Variants in SH3GL3 observed in about 807,000 individuals in gnomAD.
SH3GL3 encodes the protein SH3 domain containing GRB2 like 3, endophilin A3, also known as endophilin-A3.
SH3GL3 carries 33 observed loss-of-function variants against 47.7 expected under a neutral mutation model. The ratio of observed to expected loss-of-function variants is 0.69; its 90% CI spans 0.52 to 0.92. SH3GL3 has a LOEUF of 0.92. SH3GL3 is among the 40% of genes least tolerant of loss of function. SH3GL3 has a pLI of 0.00. For synonymous variants in SH3GL3, 155 were observed against 148.8 expected, an observed-to-expected ratio of 1.04 and a Z score of -0.30; for missense variants, 363 against 417.8, an observed-to-expected ratio of 0.87 and a Z score of 1.14.
rs547060740 is a variant in SH3GL3, at chr15:83,592,732, C to A, written c.838+3961C>A. 5.3e-5 allele frequency among the ~76,000 whole-genome samples: 8 copies of A among 152,256 alleles called. 1 individual carries two copies. The South Asian group carries it at 1.7e-3, about 32-fold the overall frequency. On this transcript the variant is annotated intron_variant, in intron 8 of 8. Coordinates refer to ENST00000427482, the MANE Select transcript of SH3GL3 (RefSeq NM_003027.5). ...TTGATTTGGTGTGAAATGAAAAGATCACAACACATCCTGCCTCCTCCACAC... is the reference window on the plus strand; with the variant it reads ...TTGATTTGGTGTGAAATGAAAAGATAACAACACATCCTGCCTCCTCCACAC...
chr15:83,447,472 G>A lies in SH3GL3; in HGVS notation c.-62G>A, dbSNP rs1183184139. The A allele has an allele frequency of 1.4e-6, 2 of 1,415,878 alleles. No individual in the cohort carries two copies. The highest frequency in any genetic ancestry group is 1.5e-5 in the African/African-American group (1 of 67,018). The allele number at this position is 1,415,878 out of a possible 1,614,324, so 87.7% of individuals were successfully genotyped here. ...GCCCGGGCTCCCGCTCCCCGAGCGC[G>A]TCGCGGCCGCGTGGCCCAGCCGAGC... On this transcript the variant is annotated 5_prime_UTR_variant, in exon 1 of 9. Coordinates refer to ENST00000427482, the MANE Select transcript of SH3GL3 (RefSeq NM_003027.5). The surrounding 1 kb of genome is among the most constrained non-coding windows in gnomAD (Gnocchi z 5.1).
chr15:83,574,634 T>A (rs1267920274), intron 5 of SH3GL3, among the ~76,000 whole-genome samples: 4 of 152,172 alleles, frequency 2.6e-5, no homozygotes, highest in Non-Finnish European at 5.9e-5. Flanking sequence ...CCTTCCTGGC[T>A]GCCCACTGAC....
intron 8 of SH3GL3, among the ~76,000 whole-genome samples, chr15:83,597,205 G>T (rs2060257416): frequency 1.3e-5 from 2 of 152,078 alleles, no homozygotes; most frequent in Admixed American, 6.6e-5. Flanking sequence ...TTGCCTCATT[G>T]CCCCTTGCTC....
At chr15:83,589,916 A>C (rs2151810183) in intron 8 of SH3GL3, among the ~76,000 whole-genome samples, 1 of 152,310 alleles carries the variant, frequency 6.6e-6, no homozygotes, top group African/African-American at 2.4e-5. Context: ...TTACTATTAA[A>C]GCATGAACAC....
intron 6 of SH3GL3, among the ~76,000 whole-genome samples, chr15:83,579,748 G>A (rs905154491): frequency 1.3e-5 from 2 of 152,152 alleles, no homozygotes; most frequent in Non-Finnish European, 2.9e-5. Flanking sequence ...TTATAGCTGA[G>A]GAGACTCAGA....
At chr15:83,557,052 A>C (rs2044998619) in intron 1 of SH3GL3, among the ~76,000 whole-genome samples, 1 of 152,232 alleles carries the variant, frequency 6.6e-6, no homozygotes, top group African/African-American at 2.4e-5. Flanking sequence ...ATAGCTATAC[A>C]GTGTGGTTTA....
chr15:83,468,140 T>C (rs567569348), intron 1 of SH3GL3, among the ~76,000 whole-genome samples: 1 of 152,366 alleles, frequency 6.6e-6, no homozygotes, highest in South Asian at 2.1e-4. Flanking sequence ...AGGTATTGTA[T>C]ATTCAATGTA....
intron 8 of SH3GL3, among the ~76,000 whole-genome samples, chr15:83,610,594 A>C (rs768387813): frequency 6.6e-5 from 10 of 152,196 alleles, no homozygotes; most frequent in Admixed American, 3.3e-4. Context: ...ATAAGACCAC[A>C]AACTAACAAT....
chr15:83,475,824 A>G (rs1490682253), intron 1 of SH3GL3, among the ~76,000 whole-genome samples: 3 of 152,184 alleles, frequency 2.0e-5, no homozygotes, highest in Non-Finnish European at 4.4e-5. Flanking sequence ...CCAAAATTAA[A>G]ATTTTCTTTA....
the SH3GL3 span, among the ~76,000 whole-genome samples, chr15:83,633,558 C>T: frequency 6.6e-6 from 1 of 152,112 alleles, no homozygotes; most frequent in Non-Finnish European, 1.5e-5. Flanking sequence ...CTCTCTCCCA[C>T]CTGGAGAATA....
At chr15:83,473,004 A>T (rs1041467751) in intron 1 of SH3GL3, among the ~76,000 whole-genome samples, 2 of 151,920 alleles carry the variant, frequency 1.3e-5, no homozygotes, top group African/African-American at 4.8e-5. Context: ...AAGCACTCCT[A>T]CCCTTCTCTG....
intron 1 of SH3GL3, among the ~76,000 whole-genome samples, chr15:83,470,649 G>A (rs536220859): frequency 6.6e-5 from 10 of 152,206 alleles, no homozygotes; most frequent in Middle Eastern, 6.8e-3. Context: ...ATATGTTAGC[G>A]CTAAAGGCTG....
intron 6 of SH3GL3, among the ~76,000 whole-genome samples, chr15:83,586,099 CTA>C (rs1297261883): frequency 6.6e-6 from 1 of 152,176 alleles, no homozygotes; most frequent in African/African-American, 2.4e-5. Flanking sequence ...TTGTCCAGCT[CTA>C]GAGTTGATTG....
intron 1 of SH3GL3, among the ~76,000 whole-genome samples, chr15:83,516,994 A>G (rs2043004482): frequency 6.6e-6 from 1 of 151,940 alleles, no homozygotes; most frequent in South Asian, 2.1e-4. Flanking sequence ...TAACTATACC[A>G]TACTTTTTTG....
downstream of SH3GL3, among the ~76,000 whole-genome samples, chr15:83,622,509 T>C (rs1434688150): frequency 6.6e-6 from 1 of 152,216 alleles, no homozygotes; most frequent in Admixed American, 6.5e-5. Flanking sequence ...ACTTTAATGA[T>C]AACAACAACA....
intron 6 of SH3GL3, 53 bp from the exon 7 acceptor site, chr15:83,586,930 G>A: frequency 1.1e-6 from 1 of 937,314 alleles, no homozygotes; most frequent in Admixed American, 2.1e-5. Flanking sequence ...CTCTCTCTCT[G>A]GACATTACAC....
intron 8 of SH3GL3, among the ~76,000 whole-genome samples, chr15:83,613,053 A>T (rs11852824): frequency 0.13 from 20,038 of 152,238 alleles, 1,805 homozygotes; most frequent in South Asian, 0.25. Context: ...CCTTGGGTTG[A>T]GGGCCCCAGG....
chr15:83,567,587 G>T (rs913732190), intron 3 of SH3GL3, among the ~76,000 whole-genome samples: 1 of 152,222 alleles, frequency 6.6e-6, no homozygotes, highest in Non-Finnish European at 1.5e-5. Context: ...CACAAGGCTA[G>T]TGTTCACTAG....
At chr15:83,616,534 G>A (rs767415682) in intron 8 of SH3GL3, among the ~76,000 whole-genome samples, 13 of 152,230 alleles carry the variant, frequency 8.5e-5, no homozygotes, top group East Asian at 5.8e-4. Context: ...GAGCCACTGC[G>A]CCTGGCCACT....
Sources: gnomAD v4.1 joint callset for allele counts (sites outside exome capture counted in the v4.1 genomes callset) on GRCh38, gnomAD v4.1.1 for gene constraint, Gnocchi (gnomAD v3.1) non-coding constraint, MANE v1.5 for transcripts, NCBI Gene and HGNC (gene_info 2026-07-23, HGNC 2026-07-21) for gene names.